The following NALCN variants were observed in gnomAD, a reference collection of about 807,000 sequenced individuals.
The protein encoded by NALCN is sodium leak channel NALCN.
NALCN carries 111 observed loss-of-function variants against 225.3 expected under a neutral mutation model. The ratio of observed to expected loss-of-function variants is 0.49; its 90% CI spans 0.42 to 0.58. The LOEUF is 0.58. NALCN is among the 20% of genes least tolerant of loss of function. The pLI is 0.00. For synonymous variants in NALCN, 764 were observed against 769.0 expected (o/e 0.99, Z 0.11); for missense variants, 1,378 against 2,202.4 (o/e 0.63, Z 7.49).
At chr13:101,172,399 T>G (rs2038765964) in intron 15 of NALCN, among the ~76,000 whole-genome samples, 1 of 151,998 alleles carries the variant, frequency 6.6e-6, no homozygotes, top group South Asian at 2.1e-4. Context: ...CTACTTCACT[T>G]CTTCCTTCTT....
chr13:101,163,935 C>A (rs1395164447), intron 15 of NALCN, among the ~76,000 whole-genome samples: 2 of 152,114 alleles, frequency 1.3e-5, no homozygotes, highest in African/African-American at 4.8e-5. Flanking sequence ...TGCCAGCAAT[C>A]CTGGGTGTTC....
intron 6 of NALCN, among the ~76,000 whole-genome samples, chr13:101,367,014 T>C (rs552569974): frequency 2.6e-5 from 4 of 152,290 alleles, no homozygotes; most frequent in Admixed American, 1.3e-4. Context: ...ATTCCACATA[T>C]GCGTGAGATC....
chr13:101,378,498 T>G, intron 4 of NALCN, 72 bp downstream of exon 4: 1 of 1,149,186 alleles, frequency 8.7e-7, no homozygotes. Flanking sequence ...AATATTTCTA[T>G]TTAGACTTTT....
Position 101,363,316 on chromosome 13 carries a change from T to C in NALCN, c.644+13384A>G, listed in dbSNP as rs2046298372. Among the ~76,000 whole-genome samples the C allele has an allele frequency of 2.6e-5, 4 of 152,100 alleles. No homozygotes were observed. In the South Asian group the frequency reaches 8.3e-4, roughly 32 times the overall value. ...TGCAAAAAGAACAAAGCTGGAGGCA[T>C]CACACTAACTGACTTCAAAATATGC... On this transcript the variant is annotated intron_variant, in intron 6 of 43. Coordinates refer to ENST00000251127, the MANE Select transcript of NALCN (RefSeq NM_052867.4).
intron 3 of NALCN, among the ~76,000 whole-genome samples, chr13:101,387,152 C>A (rs373438510): frequency 7.3e-6 from 1 of 136,714 alleles, no homozygotes; most frequent in South Asian, 2.5e-4. Flanking sequence ...ACCCGGGAAG[C>A]GGAGCTTGCA....
At chr13:101,121,697 G>T (rs1264594689) in intron 18 of NALCN, among the ~76,000 whole-genome samples, 3 of 152,144 alleles carry the variant, frequency 2.0e-5, no homozygotes, top group Non-Finnish European at 4.4e-5. Context: ...GACAGAATCT[G>T]CATCCTCTTT....
chr13:101,227,160 C>T (rs1434540357), intron 13 of NALCN, among the ~76,000 whole-genome samples: 1 of 152,142 alleles, frequency 6.6e-6, no homozygotes, highest in Admixed American at 6.6e-5. Context: ...ATCACCTCGA[C>T]ACCTGTCAGC....
chr13:101,068,854 A>G (rs2032631690), intron 37 of NALCN, 27 bp from the exon 38 acceptor site: 1 of 1,584,778 alleles, frequency 6.3e-7, no homozygotes, highest in Non-Finnish European at 8.6e-7. Flanking sequence ...TGGAAGAAGG[A>G]GAGGATAAGA....
chr13:101,195,684 C>A (rs1282525257), intron 13 of NALCN, among the ~76,000 whole-genome samples: 1 of 152,164 alleles, frequency 6.6e-6, no homozygotes, highest in Non-Finnish European at 1.5e-5. Flanking sequence ...TAGACTTCTG[C>A]TATGATATGT....
chr13:101,076,009 A>C, intron 34 of NALCN, 68 bp from the exon 35 acceptor site: 1 of 1,372,124 alleles, frequency 7.3e-7, no homozygotes, highest in Non-Finnish European at 1.0e-6. Flanking sequence ...TCCATTTTTT[A>C]AGCCTTCTGT....
intron 40 of NALCN, 75 bp from the exon 41 acceptor site, chr13:101,062,193 A>G: frequency 6.6e-7 from 1 of 1,521,384 alleles, no homozygotes; most frequent in Non-Finnish European, 8.9e-7. Flanking sequence ...GTCAAAATCC[A>G]GAGAGGACAT....
At chr13:101,325,652 A>G (rs1051008544) in intron 7 of NALCN, among the ~76,000 whole-genome samples, 2 of 152,060 alleles carry the variant, frequency 1.3e-5, no homozygotes. Flanking sequence ...CTGCTTTCTT[A>G]CGGCTGATAT....
At chr13:101,073,444 A>G (rs566122057) in intron 37 of NALCN, 140 bp downstream of exon 37, 15 of 631,786 alleles carry the variant, frequency 2.4e-5, no homozygotes, top group African/African-American at 1.5e-4. Context: ...TAATAATGCA[A>G]TTTTATGGAC....
intron 7 of NALCN, among the ~76,000 whole-genome samples, chr13:101,301,866 T>C (rs1190011154): frequency 3.3e-5 from 5 of 152,170 alleles, no homozygotes; most frequent in African/African-American, 1.2e-4. Flanking sequence ...GGACCTCAAC[T>C]TCCATGGATG....
At chr13:101,240,535 AAAT>A (rs2041721782) in intron 11 of NALCN, among the ~76,000 whole-genome samples, 1 of 152,052 alleles carries the variant, frequency 6.6e-6, no homozygotes, top group Non-Finnish European at 1.5e-5. Context: ...TTTCATAAGG[AAAT>A]AAAATAAGAT....
intron 2 of NALCN, among the ~76,000 whole-genome samples, chr13:101,397,859 A>C (rs558342549): frequency 6.6e-6 from 1 of 152,248 alleles, no homozygotes; most frequent in East Asian, 1.9e-4. Flanking sequence ...CTGTGGTGGA[A>C]ATAAGCCTTT....
chr13:101,382,069 A>C (rs1367489430), intron 3 of NALCN, among the ~76,000 whole-genome samples: 1 of 152,126 alleles, frequency 6.6e-6, no homozygotes, highest in Non-Finnish European at 1.5e-5. Context: ...AAATAGGATG[A>C]ATTTATATTG....
At chr13:101,251,681 T>C (rs565306709) in intron 11 of NALCN, among the ~76,000 whole-genome samples, 65 of 152,186 alleles carry the variant, frequency 4.3e-4, no homozygotes, top group Non-Finnish European at 6.6e-4. Context: ...AAAATAATCA[T>C]ATTAATACAC....
At chr13:101,260,252 G>C (rs1357980580) in intron 10 of NALCN, among the ~76,000 whole-genome samples, 18 of 152,146 alleles carry the variant, frequency 1.2e-4, no homozygotes, top group Non-Finnish European at 1.5e-5. Flanking sequence ...CATATGTACT[G>C]TATTTTCTTT....
Sources: gnomAD v4.1 joint callset for allele counts (sites outside exome capture counted in the v4.1 genomes callset) on GRCh38, gnomAD v4.1.1 for gene constraint, MANE v1.5 for transcripts, NCBI Gene and HGNC (gene_info 2026-07-23, HGNC 2026-07-21) for gene names.